CMPK2: variants seen among roughly 807,000 people sequenced by gnomAD.
CMPK2 encodes UMP-CMP kinase 2, mitochondrial.
CMPK2 carries 32 observed loss-of-function variants against 33.4 expected under a neutral mutation model. The ratio of observed to expected loss-of-function variants is 0.96; its 90% CI spans 0.72 to 1.29. The LOEUF (loss-of-function observed/expected upper bound fraction) is 1.29. Among genes scored for constraint, CMPK2 ranks in the 50% most tolerant of loss-of-function variants. The pLI, the probability that CMPK2 is intolerant of heterozygous loss-of-function variation, is 0.00. For missense variants in CMPK2, 672 were observed against 616.0 expected (o/e 1.09, Z -0.96); for synonymous variants, 299 against 275.3 (o/e 1.09, Z -0.85).
rs768451567 is a variant in CMPK2 at position 6,849,899 on chromosome 2, AC to A, written c.1300del (p.Val434SerfsTer6). The A allele has an allele frequency of 1.2e-6, 2 of 1,614,136 alleles. No individual in the cohort carries two copies. Among genetic ancestry groups the A allele is most frequent in the South Asian group, 2.2e-5 (2 of 91,070 alleles). On this transcript the variant is annotated frameshift_variant, in exon 5 of 5. Transcript: ENST00000256722. LOFTEE classifies it low-confidence loss of function (END_TRUNC). ...VVDASPSREK[V>X]LQTVLSLIQN... ...GATTAGGCTTAATACCGTCTGCAGG[AC>A]CTTTTCTCTGGAGGGGCTGGCATCA...
chr2:6,855,709 C>T (rs1015765204), intron 3 of CMPK2, among the ~76,000 whole-genome samples: 10 of 152,058 alleles, frequency 6.6e-5, no homozygotes, highest in African/African-American at 9.7e-5. Context: ...TATTGTCATC[C>T]CAGGATTAAA....
In CMPK2 at chr2:6,863,498, G is replaced by A. The variant is rs1662943554; in HGVS notation, c.756C>T (p.Phe252=). The A allele has an allele frequency of 3.1e-6, 5 of 1,614,056 alleles. No homozygotes were observed. Among genetic ancestry groups the A allele is most frequent in the Non-Finnish European group, 3.4e-6 (4 of 1,180,040 alleles). Residue 252 remains phenylalanine (F), a synonymous_variant, in exon 2 of 5, where the codon TTC becomes TTT. Coordinates refer to ENST00000256722, the MANE Select transcript of CMPK2 (RefSeq NM_207315.4). ...QCPKQIQKGK[F]QVVAIEGLDA... is the part of the protein sequence containing the mutation. ...CCAGTCCTTCGATGGCAACAACCTG[G>A]AACTTTCCTTTCTGGATCTGTTTTG...
chr2:6,849,435 C>T lies in CMPK2; in HGVS notation c.*415G>A, dbSNP rs994448335. 8 of 1,001,124 alleles carry T rather than the reference C, an allele frequency of 8.0e-6. No individual in the cohort carries two copies. Among genetic ancestry groups the T allele is most frequent in the Admixed American group, 6.1e-5 (1 of 16,476 alleles). 62.0% of individuals were successfully genotyped at this position (1,001,124 alleles called of 1,614,324 possible). On this transcript the variant is annotated 3_prime_UTR_variant, in exon 5 of 5. Transcript: ENST00000256722. ...GGAAGAAGCCAATGTGGGCATGTCACGATCTCATCAGCATGCCAGTGTAGG... is the reference window on the plus strand; with the variant it reads ...GGAAGAAGCCAATGTGGGCATGTCATGATCTCATCAGCATGCCAGTGTAGG...
At position 6,851,701 on chromosome 2, in the gene CMPK2, A is replaced by C; in HGVS notation, c.993-18T>G. ...GCCAGTACCTGAGAAGGAATGGGGT[A>C]GTGAGTTCTCTGTCTGCAGAAGAAG... On this transcript the variant is annotated intron_variant, in intron 3 of 4. Coordinates refer to ENST00000256722, the MANE Select transcript of CMPK2 (RefSeq NM_207315.4). 6.2e-7 allele frequency: 1 copy of C among 1,608,790 alleles called. No homozygotes were observed. Among genetic ancestry groups the C allele is most frequent in the Non-Finnish European group, 8.5e-7 (1 of 1,175,646 alleles).
Position 6,849,611 on chromosome 2 carries a change from G to A in CMPK2, c.*239C>T. 2 of 1,307,596 alleles carry A rather than the reference G, an allele frequency of 1.5e-6. No homozygotes were observed. The highest frequency in any genetic ancestry group is 1.9e-6 in the Non-Finnish European group (2 of 1,031,824). 81.0% of individuals were successfully genotyped at this position (1,307,596 alleles called of 1,614,324 possible). ...TTCCAAGAAAATGTTTACTATGCCA[G>A]GAAGAAAGCAATCGCTGGCCTCTCA... On this transcript the variant is annotated 3_prime_UTR_variant, in exon 5 of 5. Transcript: ENST00000256722.
At chr2:6,865,919 G>T (rs755467323), upstream of CMPK2, 2 of 1,400,370 alleles carry the variant, frequency 1.4e-6, no homozygotes, top group Non-Finnish European at 1.9e-6. Context: ...CGCGATAAAC[G>T]GCCGGCGCTC....
downstream of CMPK2, among the ~76,000 whole-genome samples, chr2:6,843,525 G>C (rs1161825642): frequency 6.6e-6 from 1 of 152,106 alleles, no homozygotes; most frequent in African/African-American, 2.4e-5. Flanking sequence ...GGATCCTTAA[G>C]GTGAATCTGG....
downstream of CMPK2, among the ~76,000 whole-genome samples, chr2:6,845,231 T>C (rs7600622): frequency 0.99 from 151,121 of 152,248 alleles, 75,017 homozygotes; most frequent in East Asian, 1. Context: ...TTTTTTCATC[T>C]CCAAGATGGT....
chr2:6,851,199 G>A (rs1182684497), intron 4 of CMPK2: 1 of 1,301,232 alleles, frequency 7.7e-7, no homozygotes, highest in Non-Finnish European at 9.9e-7. Context: ...AGGTGCAGCT[G>A]CTCCTAGCAC....
At chr2:6,858,832 G>A (rs993734269) in intron 3 of CMPK2, among the ~76,000 whole-genome samples, 1 of 152,234 alleles carries the variant, frequency 6.6e-6, no homozygotes, top group Non-Finnish European at 1.5e-5. Context: ...GGGTGCTGCT[G>A]AAAAGATACC....
At chr2:6,851,082 G>A in intron 4 of CMPK2, 21 of 1,082,248 alleles carry the variant, frequency 1.9e-5, no homozygotes, top group Non-Finnish European at 2.0e-5. Context: ...CTGACACACG[G>A]GAAGCATCTA....
At chr2:6,847,010 G>A (rs1193705019), downstream of CMPK2, among the ~76,000 whole-genome samples, 2 of 152,208 alleles carry the variant, frequency 1.3e-5, no homozygotes, top group Non-Finnish European at 2.9e-5. Context: ...TGAAGTTGGA[G>A]TGAAACTTTA....
chr2:6,845,777 G>A (rs922418364), downstream of CMPK2, among the ~76,000 whole-genome samples: 2 of 152,216 alleles, frequency 1.3e-5, no homozygotes, highest in Non-Finnish European at 2.9e-5. Flanking sequence ...GAATTCCACA[G>A]AATGGGACTG....
At chr2:6,852,424 T>C (rs962517759) in intron 3 of CMPK2, among the ~76,000 whole-genome samples, 1 of 152,130 alleles carries the variant, frequency 6.6e-6, no homozygotes, top group African/African-American at 2.4e-5. Context: ...ACACAGAACA[T>C]CCCTCCTAGT....
At position 6,849,920 on chromosome 2, in the gene CMPK2, G is replaced by C. The variant is rs867648313; in HGVS notation, c.1280C>G (p.Ala427Gly). Reference protein sequence around the residue: ...MENPGCHVVDASPSREKVLQT... With the variant: ...MENPGCHVVDGSPSREKVLQT... ...CAGGACCTTTTCTCTGGAGGGGCTG[G>C]CATCAACCACATGGCAGCCAGGATT... Residue 427 changes from alanine to glycine, a missense_variant, in exon 5 of 5, where the codon GCC becomes GGC. Ala to Gly is a moderately conservative substitution (Grantham distance 60). Transcript: ENST00000256722. 76 of 1,613,998 alleles carry C rather than the reference G, an allele frequency of 4.7e-5. No homozygotes were observed. The highest frequency in any genetic ancestry group is 6.4e-5 in the Non-Finnish European group (76 of 1,180,014).
chr2:6,861,064 AT>A (rs1662860522), intron 3 of CMPK2, 119 bp downstream of exon 3: 2 of 814,426 alleles, frequency 2.5e-6, no homozygotes, highest in Non-Finnish European at 4.0e-6. Context: ...CTTAAACACA[AT>A]TTTTTTCCTG....
chr2:6,863,607 T>C (rs936372118), intron 1 of CMPK2, 29 bp from the exon 2 acceptor site: 1 of 1,555,938 alleles, frequency 6.4e-7, no homozygotes, highest in Non-Finnish European at 8.8e-7. Flanking sequence ...CCATCAGCAA[T>C]GAAGCCAGGG....
upstream of CMPK2, chr2:6,866,069 G>A (rs1663080220): frequency 3.6e-6 from 1 of 275,490 alleles, no homozygotes; most frequent in Non-Finnish European, 6.8e-6. Flanking sequence ...CGTTCTGCGG[G>A]TGGCTGGCGG....
chr2:6,855,205 A>G (rs920132882), intron 3 of CMPK2, among the ~76,000 whole-genome samples: 14 of 150,870 alleles, frequency 9.3e-5, no homozygotes, highest in African/African-American at 3.4e-4. Context: ...GCCCTGTGGG[A>G]GTTGACTGGA....
Sources: gnomAD v4.1 joint callset for allele counts (sites outside exome capture counted in the v4.1 genomes callset) on GRCh38, gnomAD v4.1.1 for gene constraint, MANE v1.5 for transcripts, NCBI Gene and HGNC (gene_info 2026-07-23, HGNC 2026-07-21) for gene names.